Variants in ACAP2 observed in about 807,000 individuals in gnomAD.
ACAP2 encodes the protein ArfGAP with coiled-coil, ankyrin repeat and PH domains 2.
In ACAP2, 39 loss-of-function variants were observed where a neutral mutation model predicts 115.8. The observed-to-expected ratio is 0.34, with a 90% CI of 0.26 to 0.44. ACAP2 has a LOEUF of 0.44. Ranked by LOEUF, ACAP2 falls within the 20% of genes least tolerant of loss-of-function variation. The pLI is 1.00. For synonymous variants in ACAP2, 289 were observed against 315.8 expected (o/e 0.92, Z 0.90); for missense variants, 662 against 927.6 (o/e 0.71, Z 3.72).
intron 16 of ACAP2, among the ~76,000 whole-genome samples, 192 bp downstream of exon 16, chr3:195,296,998 A>G (rs1453832564): frequency 6.6e-6 from 1 of 152,180 alleles, no homozygotes; most frequent in Non-Finnish European, 1.5e-5. Context: ...TCTAAAGACT[A>G]TAATTGATTA....
intron 1 of ACAP2, among the ~76,000 whole-genome samples, chr3:195,395,492 C>T (rs1300348147): frequency 1.3e-5 from 2 of 152,138 alleles, no homozygotes; most frequent in African/African-American, 2.4e-5. Context: ...TTTTAAGTGG[C>T]TGAAAAATAT....
At chr3:195,352,249 G>A (rs186821550) in intron 4 of ACAP2, among the ~76,000 whole-genome samples, 5 of 152,198 alleles carry the variant, frequency 3.3e-5, no homozygotes, top group Admixed American at 1.3e-4. Flanking sequence ...ACTACACCAC[G>A]TAGCCTAGGT....
At chr3:195,404,091 A>G (rs1050693760) in intron 1 of ACAP2, among the ~76,000 whole-genome samples, 3 of 152,192 alleles carry the variant, frequency 2.0e-5, no homozygotes, top group African/African-American at 7.2e-5. Context: ...CTATAATCCC[A>G]GCTCTTTGGA....
At position 195,279,357 on chromosome 3, in the gene ACAP2, G is replaced by C; in HGVS notation, c.2308C>G (p.Arg770Gly). The C allele has an allele frequency of 6.2e-7, 1 of 1,604,032 alleles. No homozygotes were observed. Among genetic ancestry groups the C allele is most frequent in the Non-Finnish European group, 8.5e-7 (1 of 1,177,016 alleles). ...MASNNPEKLNRFQQDSQKF is the reference protein window; with the variant it reads ...MASNNPEKLNGFQQDSQKF The stretch of plus-strand genomic sequence containing the variant: ...AATTTCTGTGAATCTTGCTGGAAAC[G>C]ATTTAGTTTCTCTGGATTATTGGAT... Residue 770 changes from arginine to glycine, a missense_variant, in exon 23 of 23, where the codon CGT becomes GGT. Physicochemically the swap from Arg to Gly is moderately radical, Grantham distance 125 (BLOSUM62 -2). Coordinates refer to ENST00000326793, the MANE Select transcript of ACAP2 (RefSeq NM_012287.6).
chr3:195,419,117 G>T (rs1460698382), intron 1 of ACAP2, among the ~76,000 whole-genome samples: 1 of 152,034 alleles, frequency 6.6e-6, no homozygotes, highest in Non-Finnish European at 1.5e-5. Context: ...CATTTGAAGT[G>T]TACAATTCAA....
At chr3:195,390,171 T>A (rs1734572079) in intron 2 of ACAP2, among the ~76,000 whole-genome samples, 1 of 151,988 alleles carries the variant, frequency 6.6e-6, no homozygotes, top group African/African-American at 2.4e-5. Context: ...CACTCCAGCC[T>A]GGGTGCCTGA....
At chr3:195,437,814 C>CA (rs535209837) in intron 1 of ACAP2, among the ~76,000 whole-genome samples, 432 of 35,594 alleles carry the variant, frequency 0.012, 2 homozygotes, top group Non-Finnish European at 0.015. Flanking sequence ...GACTCTGTCT[C>CA]AAAAAAAAAA....
In ACAP2 at chr3:195,314,977, C is replaced by A. The variant is rs778730954; in HGVS notation, c.857+5724G>T. ...CTTCTGTCTAGTTCCTTATCTATCA[C>A]CTAGAAAATACTTAAAGACTTTAGT... is the stretch of plus-strand genomic sequence containing the variant. On this transcript the variant is annotated intron_variant, in intron 10 of 22. Coordinates refer to ENST00000326793, the MANE Select transcript of ACAP2 (RefSeq NM_012287.6). Among the ~76,000 whole-genome samples the A allele has an allele frequency of 2.4e-4, 37 of 152,326 alleles. 1 individual carries two copies. The Middle Eastern group carries it at 0.01, about 42-fold the overall frequency.
chr3:195,374,176 C>T (rs1361010438), intron 4 of ACAP2, among the ~76,000 whole-genome samples: 4 of 151,686 alleles, frequency 2.6e-5, no homozygotes, highest in Admixed American at 6.6e-5. Flanking sequence ...ACTTGAGGTC[C>T]GGAGTTCGAG....
At chr3:195,423,733 T>C (rs1270735515) in intron 1 of ACAP2, among the ~76,000 whole-genome samples, 1 of 150,558 alleles carries the variant, frequency 6.6e-6, no homozygotes, top group African/African-American at 2.4e-5. Flanking sequence ...CCATAAACAA[T>C]ATGTAAATAA....
At chr3:195,287,800 A>G (rs1199527188) in intron 21 of ACAP2, among the ~76,000 whole-genome samples, 1 of 152,146 alleles carries the variant, frequency 6.6e-6, no homozygotes, top group Non-Finnish European at 1.5e-5. Flanking sequence ...AGTACTATAC[A>G]AAGAGATAAA....
In ACAP2 at chr3:195,279,177, A is replaced by C; in HGVS notation, c.*151T>G. 1.9e-6 allele frequency: 1 copy of C among 539,204 alleles called. No homozygotes were observed. Among genetic ancestry groups the C allele is most frequent in the Non-Finnish European group, 3.2e-6 (1 of 310,970 alleles). The allele number at this position is 539,204 out of a possible 1,614,324, so 33.4% of individuals were successfully genotyped here. A position where few individuals can be genotyped will look rare whatever the true frequency, so the allele number is the denominator to read the frequency against. ...TCCTACTACTAGATAACTATGTTTT[A>C]ATTTATAAATATATGAATGGGTACC... On this transcript the variant is annotated 3_prime_UTR_variant, in exon 23 of 23. Coordinates refer to ENST00000326793, the MANE Select transcript of ACAP2 (RefSeq NM_012287.6).
At chr3:195,284,533 C>T (rs968380698) in intron 22 of ACAP2, among the ~76,000 whole-genome samples, 3 of 152,118 alleles carry the variant, frequency 2.0e-5, no homozygotes, top group African/African-American at 7.2e-5. Context: ...GCTGAAGTGC[C>T]TCTATTCTTA....
intron 4 of ACAP2, among the ~76,000 whole-genome samples, chr3:195,373,407 AC>A (rs1733309733): frequency 1.4e-5 from 2 of 146,318 alleles, no homozygotes; most frequent in African/African-American, 2.5e-5. Context: ...TCAAAGAAAT[AC>A]TATGAGAATA....
intron 2 of ACAP2, among the ~76,000 whole-genome samples, chr3:195,390,417 T>C (rs1468251195): frequency 6.6e-6 from 1 of 152,170 alleles, no homozygotes; most frequent in Non-Finnish European, 1.5e-5. Flanking sequence ...AAAAATAACT[T>C]ATCTCTAAAC....
At chr3:195,417,721 G>C (rs1460155040) in intron 1 of ACAP2, among the ~76,000 whole-genome samples, 1 of 152,174 alleles carries the variant, frequency 6.6e-6, no homozygotes, top group Non-Finnish European at 1.5e-5. Context: ...GCCAAGGTAG[G>C]AGGATTACCT....
chr3:195,392,736 G>C (rs1360239828), intron 1 of ACAP2, among the ~76,000 whole-genome samples: 1 of 152,118 alleles, frequency 6.6e-6, no homozygotes, highest in African/African-American at 2.4e-5. Context: ...ATTGACAAAA[G>C]AGAATACAAT....
chr3:195,396,874 C>T (rs191893988), intron 1 of ACAP2, among the ~76,000 whole-genome samples: 1 of 141,846 alleles, frequency 7.0e-6, no homozygotes, highest in East Asian at 2.1e-4. Flanking sequence ...AAACTAACAA[C>T]CACCACCAAA....
chr3:195,310,960 A>G (rs1233781041), intron 10 of ACAP2, among the ~76,000 whole-genome samples: 1 of 152,042 alleles, frequency 6.6e-6, no homozygotes, highest in Non-Finnish European at 1.5e-5. Flanking sequence ...TCACTCCTCC[A>G]TTGCTATTAT....
Sources: allele counts gnomAD v4.1 joint callset (sites outside exome capture counted in the v4.1 genomes callset), GRCh38; gene constraint gnomAD v4.1.1; transcripts MANE v1.5; gene names NCBI Gene and HGNC (gene_info 2026-07-23, HGNC 2026-07-21).